FCN2: variants seen among roughly 807,000 people sequenced by gnomAD.
The protein encoded by FCN2 is ficolin 2.
Under a neutral mutation model 32.5 loss-of-function variants are expected in FCN2, and 31 were observed. That is an observed-to-expected ratio of 0.96 (90% confidence interval 0.72 to 1.29). The LOEUF (loss-of-function observed/expected upper bound fraction) is 1.29, where lower values mean the gene tolerates loss of function less well. Ranked by LOEUF, FCN2 falls within the 50% of genes most tolerant of loss-of-function variation. The pLI is 0.00. For missense variants in FCN2, 412 were observed against 406.5 expected, an observed-to-expected ratio of 1.01 and a Z score of -0.12; for synonymous variants, 181 against 164.5, an observed-to-expected ratio of 1.10 and a Z score of -0.77.
At chr9:134,879,743 T>C (rs952028640), upstream of FCN2, among the ~76,000 whole-genome samples, 1 of 152,188 alleles carries the variant, frequency 6.6e-6, no homozygotes. Context: ...GATGGGATTT[T>C]GTTTCTCGCG....
chr9:134,881,912 T>C (rs1830669281), intron 1 of FCN2, among the ~76,000 whole-genome samples: 1 of 152,212 alleles, frequency 6.6e-6, no homozygotes, highest in South Asian at 2.1e-4. Context: ...AACAACAAGC[T>C]GCATTCCAGC....
chr9:134,865,205 G>A, the FCN2 span, among the ~76,000 whole-genome samples: 1 of 152,220 alleles, frequency 6.6e-6, no homozygotes, highest in African/African-American at 2.4e-5. Context: ...GGTCGATGTG[G>A]CACCTAGGCT....
chr9:134,882,770 C>T, intron 2 of FCN2, 131 bp downstream of exon 2: 1 of 650,562 alleles, frequency 1.5e-6, no homozygotes, highest in South Asian at 1.9e-5. Flanking sequence ...AGGAAAAGAA[C>T]TGACTCCCAG....
intron 3 of FCN2, among the ~76,000 whole-genome samples, chr9:134,884,447 G>T (rs897119704): frequency 3.9e-5 from 6 of 152,184 alleles, no homozygotes; most frequent in Non-Finnish European, 7.3e-5. Flanking sequence ...GGAGAAGCCT[G>T]AAGATCCAGG....
At chr9:134,884,208 G>A (rs7041446) in intron 3 of FCN2, among the ~76,000 whole-genome samples, 72,033 of 151,924 alleles carry the variant, frequency 0.47, 17,215 homozygotes, top group East Asian at 0.61. Flanking sequence ...TAAATTTTGA[G>A]GAATCGGAGA....
At chr9:134,876,523 T>C (rs1588639854), upstream of FCN2, among the ~76,000 whole-genome samples, 1 of 152,218 alleles carries the variant, frequency 6.6e-6, no homozygotes, top group South Asian at 2.1e-4. Context: ...GATAAACTTC[T>C]TTATAATAAA....
rs550920398 is a variant in FCN2 at position 134,885,187 on chromosome 9, T to C, written c.302-52T>C. The C allele has an allele frequency of 8.1e-6, 13 of 1,612,694 alleles. 1 individual carries two copies. In the South Asian group the frequency reaches 1.4e-4, roughly 18 times the overall value. On this transcript the variant is annotated intron_variant, in intron 4 of 7. Transcript: ENST00000291744. ...TCCCAGGCCTCCCTCCTACTGCCTG[T>C]GCCCTGCCCAGGGCTCCTGTCCTGC... is the stretch of plus-strand genomic sequence containing the variant.
At chr9:134,883,434 T>A in intron 3 of FCN2, 79 bp downstream of exon 3, 1 of 1,310,136 alleles carries the variant, frequency 7.6e-7, no homozygotes, top group Non-Finnish European at 1.1e-6. Flanking sequence ...GCGGGTCTTC[T>A]GGGGCTGCCA....
chr9:134,886,834 C>A (rs900766457), intron 7 of FCN2, among the ~76,000 whole-genome samples: 9 of 152,204 alleles, frequency 5.9e-5, no homozygotes, highest in African/African-American at 2.2e-4. Flanking sequence ...GTGACAGCAG[C>A]TGATATCTCT....
Position 134,885,193 on chromosome 9 carries a change from G to T in FCN2, c.302-46G>T, listed in dbSNP as rs1464897620. 3.1e-6 allele frequency: 5 copies of T among 1,613,226 alleles called. No homozygotes were observed. In the South Asian group the frequency reaches 3.3e-5, roughly 11 times the overall value. On this transcript the variant is annotated intron_variant, in intron 4 of 7. Transcript: ENST00000291744. The stretch of plus-strand genomic sequence containing the variant: ...GCCTCCCTCCTACTGCCTGTGCCCT[G>T]CCCAGGGCTCCTGTCCTGCAGCCAT...
chr9:134,876,383 G>C (rs1240517481), upstream of FCN2, among the ~76,000 whole-genome samples: 5 of 152,178 alleles, frequency 3.3e-5, no homozygotes, highest in African/African-American at 1.2e-4. Flanking sequence ...GATTTCATCA[G>C]TGACGCTGTC....
chr9:134,880,672 G>A (rs1161901607), upstream of FCN2: 17 of 701,234 alleles, frequency 2.4e-5, no homozygotes, highest in Non-Finnish European at 4.2e-5. Flanking sequence ...GAGCAGCCCT[G>A]GAGATGATCT....
chr9:134,885,657 C>T lies in FCN2; in HGVS notation c.430-111C>T, dbSNP rs146512456. Reference sequence around the variant, plus strand: ...GAACAGGTGGGCGTGCTGGTGACCCCGCCTGTGATGCTCTGCCAACTACAA... The same window carrying T: ...GAACAGGTGGGCGTGCTGGTGACCCTGCCTGTGATGCTCTGCCAACTACAA... On this transcript the variant is annotated intron_variant, in intron 5 of 7. Transcript: ENST00000291744. The T allele has an allele frequency of 8.5e-5, 125 of 1,470,922 alleles. 1 individual carries two copies. In the African/African-American group the frequency reaches 1.2e-3, roughly 14 times the overall value. 91.1% of individuals were successfully genotyped at this position (1,470,922 alleles called of 1,614,324 possible).
chr9:134,882,705 A>G (rs1430314138), intron 2 of FCN2, 66 bp downstream of exon 2: 1 of 1,103,784 alleles, frequency 9.1e-7, no homozygotes, highest in African/African-American at 1.5e-5. Context: ...TGAGTTGGGC[A>G]ACACCCCCAC....
the FCN2 span, chr9:134,868,367 C>A: frequency 6.0e-6 from 1 of 166,330 alleles, no homozygotes; most frequent in South Asian, 1.7e-4. The surrounding 1 kb of genome is among the most constrained non-coding windows in gnomAD (Gnocchi z 4.3). Context: ...TGAATGGTGT[C>A]TACCTCGGGG....
the FCN2 span, among the ~76,000 whole-genome samples, chr9:134,870,978 G>C: frequency 6.6e-6 from 1 of 152,154 alleles, no homozygotes; most frequent in African/African-American, 2.4e-5. This position sits in a 1 kb window ranked among gnomAD's most constrained non-coding sequence, Gnocchi z 4.3. Context: ...TCTGACCCCA[G>C]AGTCAGGCGA....
chr9:134,881,393 G>A (rs1281113692), intron 1 of FCN2, among the ~76,000 whole-genome samples: 3 of 152,196 alleles, frequency 2.0e-5, no homozygotes, highest in Non-Finnish European at 4.4e-5. Context: ...GCTGGGCTCT[G>A]GAGATGGCAG....
Position 134,887,249 on chromosome 9 carries a change from T to C in FCN2, c.776T>C (p.Val259Ala). ...GATCTTAACACCGGAAATTGTGCTG[T>C]GATGTTTCAGGGAGCTTGGTGGTAC... is the stretch of plus-strand genomic sequence containing the variant. Reference protein sequence around the residue: ...DNDLNTGNCAVMFQGAWWYKN... With the variant: ...DNDLNTGNCAAMFQGAWWYKN... The change falls in exon 8 of 8, where the codon GTG becomes GCG. Residue 259 changes from valine to alanine, a missense_variant. By Grantham distance (64) the Val-to-Ala change is moderately conservative. Transcript: ENST00000291744. 6.2e-7 allele frequency: 1 copy of C among 1,614,170 alleles called. No individual in the cohort carries two copies. Among genetic ancestry groups the C allele is most frequent in the South Asian group, 1.1e-5 (1 of 91,082 alleles).
chr9:134,877,773 GGT>G (rs551463753), upstream of FCN2, among the ~76,000 whole-genome samples: 191 of 152,330 alleles, frequency 1.3e-3, no homozygotes, highest in African/African-American at 4.2e-3. Context: ...GCACCCTGAG[GGT>G]GGAGACCTGG....
Sources: allele counts gnomAD v4.1 joint callset (sites outside exome capture counted in the v4.1 genomes callset), GRCh38; gene constraint gnomAD v4.1.1; non-coding constraint Gnocchi (gnomAD v3.1); transcripts MANE v1.5; gene names NCBI Gene and HGNC (gene_info 2026-07-23, HGNC 2026-07-21).